The following ADGRB3 variants were observed in gnomAD, a reference collection of about 807,000 sequenced individuals.
The protein encoded by ADGRB3 is brain-specific angiogenesis inhibitor 3.
Under a neutral mutation model 193.4 loss-of-function variants are expected in ADGRB3, and 37 were observed. That is an observed-to-expected ratio of 0.19 (90% confidence interval 0.15 to 0.25). The LOEUF is 0.25. ADGRB3 is among the 10% of genes least tolerant of loss of function. ADGRB3 has a pLI of 1.00. For missense variants in ADGRB3, 1,637 were observed against 1,852.9 expected (o/e 0.88, Z 2.14); for synonymous variants, 690 against 644.2 (o/e 1.07, Z -1.08).
intron 3 of ADGRB3, among the ~76,000 whole-genome samples, chr6:68,693,068 G>A (rs1765102561): frequency 6.6e-6 from 1 of 151,694 alleles, no homozygotes; most frequent in Admixed American, 6.6e-5. Flanking sequence ...TTGCAATTTA[G>A]AACACTTTGG....
intron 17 of ADGRB3, among the ~76,000 whole-genome samples, chr6:69,143,311 A>C (rs931056920): frequency 1.6e-4 from 25 of 152,070 alleles, no homozygotes; most frequent in African/African-American, 6.0e-4. Flanking sequence ...ATAGTTTGAA[A>C]ATATTTTCTC....
At chr6:69,365,399 T>G (rs1318688954) in intron 29 of ADGRB3, among the ~76,000 whole-genome samples, 1 of 152,078 alleles carries the variant, frequency 6.6e-6, no homozygotes, top group Non-Finnish European at 1.5e-5. Flanking sequence ...GCCCTCTCTT[T>G]GTATCTGTCC....
At chr6:68,731,259 T>TA (rs1419276386) in intron 3 of ADGRB3, among the ~76,000 whole-genome samples, 6 of 151,610 alleles carry the variant, frequency 4.0e-5, no homozygotes, top group African/African-American at 1.4e-4. Flanking sequence ...ATCCTCGTGT[T>TA]ACGGATTTAA....
At chr6:68,685,611 G>A (rs1014653331) in intron 3 of ADGRB3, among the ~76,000 whole-genome samples, 13 of 151,746 alleles carry the variant, frequency 8.6e-5, no homozygotes, top group African/African-American at 3.1e-4. Context: ...GGAAGAAAGG[G>A]AATTAAAAAA....
intron 17 of ADGRB3, among the ~76,000 whole-genome samples, chr6:69,124,203 T>C (rs948269826): frequency 1.1e-4 from 17 of 152,150 alleles, no homozygotes; most frequent in African/African-American, 3.4e-4. Flanking sequence ...CCAAAACACC[T>C]GTTCATGTAG....
rs576082511 is a variant in ADGRB3, at chr6:68,854,295, A to G, written c.758-76264A>G. On this transcript the variant is annotated intron_variant, in intron 3 of 31. Transcript: ENST00000370598. ...GAGCTTGGCTTTACTGTTAAATAGG[A>G]AGAATAACATCAAGAGATTTATTAT... Among the ~76,000 whole-genome samples the G allele has an allele frequency of 5.9e-5, 9 of 152,278 alleles. No homozygotes were observed. In the East Asian group the frequency reaches 1.7e-3, roughly 29 times the overall value.
intron 3 of ADGRB3, among the ~76,000 whole-genome samples, chr6:68,679,859 T>C (rs1432371285): frequency 6.6e-6 from 1 of 152,106 alleles, no homozygotes; most frequent in African/African-American, 2.4e-5. Flanking sequence ...TAAAAAATAG[T>C]CAAATAACAA....
chr6:68,888,157 C>T (rs1455595733), intron 3 of ADGRB3, among the ~76,000 whole-genome samples: 11 of 152,050 alleles, frequency 7.2e-5, no homozygotes, highest in Admixed American at 1.3e-4. Flanking sequence ...TGCAGTGGAG[C>T]TCATGGAACA....
intron 26 of ADGRB3, among the ~76,000 whole-genome samples, chr6:69,349,943 G>A (rs1335600038): frequency 2.0e-5 from 3 of 152,130 alleles, no homozygotes; most frequent in African/African-American, 7.2e-5. Flanking sequence ...ACATCGCTCG[G>A]TGCTCTTCCC....
intron 4 of ADGRB3, among the ~76,000 whole-genome samples, chr6:68,934,336 G>C (rs369765098): frequency 6.6e-6 from 1 of 152,128 alleles, no homozygotes; most frequent in East Asian, 1.9e-4. Flanking sequence ...TGCTTAGCCT[G>C]TTCAGCATCA....
intron 17 of ADGRB3, among the ~76,000 whole-genome samples, chr6:69,199,811 G>C (rs1179564145): frequency 1.3e-5 from 2 of 152,082 alleles, no homozygotes; most frequent in African/African-American, 4.8e-5. Flanking sequence ...TGTTCTTCAT[G>C]ACCTTGGATT....
intron 20 of ADGRB3, among the ~76,000 whole-genome samples, chr6:69,310,626 A>G (rs559253143): frequency 6.6e-6 from 1 of 151,836 alleles, no homozygotes; most frequent in Non-Finnish European, 1.5e-5. Flanking sequence ...TATTCCAGTA[A>G]TCCATTCTAA....
intron 3 of ADGRB3, among the ~76,000 whole-genome samples, chr6:68,724,914 C>T (rs1360390836): frequency 3.3e-5 from 5 of 151,616 alleles, no homozygotes; most frequent in Non-Finnish European, 4.4e-5. Flanking sequence ...TTGCAACTAG[C>T]GTACACACCA....
chr6:68,999,014 T>A (rs902731500), intron 11 of ADGRB3, among the ~76,000 whole-genome samples: 1 of 152,232 alleles, frequency 6.6e-6, no homozygotes, highest in African/African-American at 2.4e-5. Context: ...TGTATACCTG[T>A]GACAATACTA....
At chr6:68,953,188 T>C (rs1452384069) in intron 6 of ADGRB3, among the ~76,000 whole-genome samples, 2 of 152,136 alleles carry the variant, frequency 1.3e-5, no homozygotes, top group African/African-American at 2.4e-5. Context: ...ACTCTTATTC[T>C]CTCTTTGCCA....
At chr6:69,055,462 T>A (rs1771517308) in intron 15 of ADGRB3, among the ~76,000 whole-genome samples, 1 of 152,056 alleles carries the variant, frequency 6.6e-6, no homozygotes, top group African/African-American at 2.4e-5. Flanking sequence ...ATATGATAAG[T>A]TTTTTTTCTT....
intron 3 of ADGRB3, among the ~76,000 whole-genome samples, chr6:68,679,324 G>A (rs1163260176): frequency 6.6e-6 from 1 of 152,060 alleles, no homozygotes; most frequent in Non-Finnish European, 1.5e-5. Context: ...GTGGTGCAAG[G>A]ATTCAGATTT....
intron 17 of ADGRB3, among the ~76,000 whole-genome samples, chr6:69,190,698 A>G (rs998469608): frequency 2.0e-5 from 3 of 152,114 alleles, no homozygotes; most frequent in African/African-American, 7.2e-5. Flanking sequence ...TTCAATCACC[A>G]CTAATTCACT....
At chr6:69,223,031 T>C (rs755088032) in intron 17 of ADGRB3, among the ~76,000 whole-genome samples, 12 of 152,128 alleles carry the variant, frequency 7.9e-5, no homozygotes, top group Non-Finnish European at 1.8e-4. Flanking sequence ...GTGCAGCCAC[T>C]CCACCCATCT....
Sources: gnomAD v4.1 joint callset for allele counts (sites outside exome capture counted in the v4.1 genomes callset) on GRCh38, gnomAD v4.1.1 for gene constraint, MANE v1.5 for transcripts, NCBI Gene and HGNC (gene_info 2026-07-23, HGNC 2026-07-21) for gene names.